The following NR6A1 variants were observed in gnomAD, a reference collection of about 807,000 sequenced individuals.
NR6A1 encodes the protein nuclear receptor subfamily 6 group A member 1.
Under a neutral mutation model 59.1 loss-of-function variants are expected in NR6A1, and 7 were observed. The observed-to-expected ratio is 0.12, with a 90% CI of 0.07 to 0.22. The LOEUF (loss-of-function observed/expected upper bound fraction) is 0.22, where lower values mean the gene tolerates loss of function less well. NR6A1 is among the 10% of genes least tolerant of loss of function. The pLI, the probability that NR6A1 is intolerant of heterozygous loss-of-function variation, is 1.00. For missense variants in NR6A1, 468 were observed against 611.6 expected (o/e 0.77, Z 2.48); for synonymous variants, 243 against 236.1 (o/e 1.03, Z -0.27).
intron 2 of NR6A1, among the ~76,000 whole-genome samples, chr9:124,580,739 GA>G (rs748652140): frequency 9.9e-5 from 15 of 152,238 alleles, no homozygotes; most frequent in Non-Finnish European, 2.1e-4. Flanking sequence ...AGAATCGCTT[GA>G]ACCCAGGAGG....
At chr9:124,641,108 T>C (rs957584271) in intron 2 of NR6A1, among the ~76,000 whole-genome samples, 7 of 152,194 alleles carry the variant, frequency 4.6e-5, no homozygotes, top group East Asian at 1.9e-4. Context: ...TCCCAGCACT[T>C]TGGGAGGCCA....
chr9:124,573,713 T>C (rs1239086797), intron 2 of NR6A1, among the ~76,000 whole-genome samples: 1 of 152,172 alleles, frequency 6.6e-6, no homozygotes, highest in African/African-American at 2.4e-5. Context: ...TACTAATCTA[T>C]AGGAGAGGAG....
chr9:124,561,419 C>T (rs149763640), intron 2 of NR6A1, among the ~76,000 whole-genome samples: 2 of 152,032 alleles, frequency 1.3e-5, no homozygotes, highest in African/African-American at 2.4e-5. Context: ...GCCTACGGGG[C>T]GGCGGAATGA....
chr9:124,554,202 G>T (rs912112406), intron 3 of NR6A1, 126 bp downstream of exon 3: 3 of 1,420,718 alleles, frequency 2.1e-6, no homozygotes, highest in Admixed American at 2.0e-5. Context: ...TTCATTTTTG[G>T]TTATGAGTAC....
intron 4 of NR6A1, among the ~76,000 whole-genome samples, chr9:124,542,561 A>T (rs979346134): frequency 6.6e-6 from 1 of 152,042 alleles, no homozygotes; most frequent in Non-Finnish European, 1.5e-5. Context: ...AAAACCTTCT[A>T]ACTGCTTTCT....
At chr9:124,672,754 G>T (rs933361573) in intron 2 of NR6A1, among the ~76,000 whole-genome samples, 1 of 152,110 alleles carries the variant, frequency 6.6e-6, no homozygotes, top group Non-Finnish European at 1.5e-5. Flanking sequence ...GTATGTCAGT[G>T]TGGTGGGTAT....
intron 1 of NR6A1, among the ~76,000 whole-genome samples, chr9:124,764,363 C>T (rs768085360): frequency 2.6e-5 from 4 of 152,074 alleles, no homozygotes; most frequent in Non-Finnish European, 5.9e-5. Context: ...TCAATCATCT[C>T]TTTTTTTCAT....
At chr9:124,619,139 A>G (rs1404550046) in intron 2 of NR6A1, among the ~76,000 whole-genome samples, 1 of 152,250 alleles carries the variant, frequency 6.6e-6, no homozygotes, top group Non-Finnish European at 1.5e-5. Flanking sequence ...AAATCCTGGC[A>G]TATCTATTAA....
chr9:124,553,318 G>GGACTA (rs774179183), intron 3 of NR6A1, among the ~76,000 whole-genome samples: 1 of 152,012 alleles, frequency 6.6e-6, no homozygotes, highest in Non-Finnish European at 1.5e-5. Flanking sequence ...TTTCACCTAT[G>GGACTA]GACTAGACTT....
chr9:124,603,494 A>T (rs1244129880), intron 2 of NR6A1, among the ~76,000 whole-genome samples: 1 of 152,174 alleles, frequency 6.6e-6, no homozygotes, highest in Non-Finnish European at 1.5e-5. Flanking sequence ...CCTACCTGAG[A>T]CTAAATCTTC....
intron 2 of NR6A1, among the ~76,000 whole-genome samples, chr9:124,688,432 A>G (rs1838414083): frequency 6.6e-6 from 1 of 152,266 alleles, no homozygotes; most frequent in African/African-American, 2.4e-5. Flanking sequence ...ACAGAAAGCG[A>G]AAACGCATAT....
chr9:124,649,479 G>A (rs1273499941), intron 2 of NR6A1, among the ~76,000 whole-genome samples: 2 of 151,988 alleles, frequency 1.3e-5, no homozygotes, highest in East Asian at 1.9e-4. Context: ...AGACTTATAT[G>A]TAAGACCTGA....
intron 5 of NR6A1, among the ~76,000 whole-genome samples, chr9:124,538,733 C>T (rs1275083152): frequency 6.6e-6 from 1 of 152,132 alleles, no homozygotes; most frequent in Admixed American, 6.5e-5. Flanking sequence ...AAAACAAATC[C>T]AGCATCTAGC....
chr9:124,535,770 G>GGCCTATGAGGTGTAGT, intron 7 of NR6A1, 108 bp downstream of exon 7: 1 of 1,351,834 alleles, frequency 7.4e-7, no homozygotes, highest in South Asian at 1.4e-5. Context: ...TTCAAATCCA[G>GGCCTATGAGGTGTAGT]GCCTATGAGG....
intron 5 of NR6A1, among the ~76,000 whole-genome samples, chr9:124,539,660 C>T (rs1018263648): frequency 1.5e-4 from 23 of 152,138 alleles, no homozygotes; most frequent in Admixed American, 1.3e-3. Flanking sequence ...AAAACATTGA[C>T]TCTTGTGAGG....
intron 2 of NR6A1, among the ~76,000 whole-genome samples, chr9:124,611,778 AGAGAAT>A (rs1370379626): frequency 6.6e-6 from 1 of 150,634 alleles, no homozygotes; most frequent in South Asian, 2.1e-4. Context: ...AGAGAGAGAG[AGAGAAT>A]GAGAGAGAAT....
intron 2 of NR6A1, among the ~76,000 whole-genome samples, chr9:124,589,012 A>G (rs1311611121): frequency 6.6e-6 from 1 of 151,996 alleles, no homozygotes; most frequent in African/African-American, 2.4e-5. Flanking sequence ...TGGTATGGCC[A>G]GACTATATCC....
chr9:124,763,486 C>T (rs978820882), intron 1 of NR6A1, among the ~76,000 whole-genome samples: 3 of 152,200 alleles, frequency 2.0e-5, no homozygotes, highest in African/African-American at 4.8e-5. Context: ...GCAGACCACA[C>T]TTTGAAAATC....
At chr9:124,550,344 C>T (rs181962170) in intron 3 of NR6A1, among the ~76,000 whole-genome samples, 15 of 147,442 alleles carry the variant, frequency 1.0e-4, no homozygotes, top group Non-Finnish European at 2.1e-4. Flanking sequence ...TTTTGCTTGT[C>T]GCAATTATTA....
Sources: allele counts gnomAD v4.1 joint callset (sites outside exome capture counted in the v4.1 genomes callset), GRCh38; gene constraint gnomAD v4.1.1; transcripts MANE v1.5; gene names NCBI Gene and HGNC (gene_info 2026-07-23, HGNC 2026-07-21).